Variants in MAOA observed in about 807,000 individuals in gnomAD.
The protein encoded by MAOA is monoamine oxidase A.
In MAOA, 6 loss-of-function variants were observed where a neutral mutation model predicts 42.0. That is an observed-to-expected ratio of 0.14 (90% CI 0.08 to 0.28). The LOEUF is 0.28. Ranked by LOEUF, MAOA falls within the 10% of genes least tolerant of loss-of-function variation. The probability of loss-of-function intolerance (pLI) is 1.00; values close to 1 mark genes in which losing one functional copy is unlikely to be tolerated. For missense variants in MAOA, 262 were observed against 422.3 expected, an observed-to-expected ratio of 0.62 and a Z score of 3.33; for synonymous variants, 140 against 154.0, an observed-to-expected ratio of 0.91 and a Z score of 0.67.
chrX:43,655,775 G>GC (rs1370833942), upstream of MAOA: 2 of 118,913 alleles, frequency 1.7e-5, no homozygotes, highest in Non-Finnish European at 3.5e-5. Flanking sequence ...ATGACCTTTC[G>GC]CAAGTGTCAA....
intron 5 of MAOA, among the ~76,000 whole-genome samples, chrX:43,713,878 G>A (rs2033717459): frequency 9.0e-6 from 1 of 111,524 alleles, no homozygotes; most frequent in Admixed American, 9.5e-5. Context: ...ACAGTGTAGG[G>A]CGATGGTATC....
intron 5 of MAOA, among the ~76,000 whole-genome samples, chrX:43,724,112 G>A (rs2147099782): frequency 8.9e-6 from 1 of 111,893 alleles, no homozygotes; most frequent in East Asian, 2.8e-4. Context: ...TCGCATCAAT[G>A]TTCATCAGGG....
At chrX:43,716,154 G>T (rs916526296) in intron 5 of MAOA, among the ~76,000 whole-genome samples, 2 of 111,536 alleles carry the variant, frequency 1.8e-5, no homozygotes, top group Non-Finnish European at 3.8e-5. Context: ...ATGGTCTTCA[G>T]AATGTGTGGG....
chrX:43,700,657 T>C (rs145164549), intron 3 of MAOA, among the ~76,000 whole-genome samples: 1,371 of 112,152 alleles, frequency 0.012, 20 homozygotes, highest in African/African-American at 0.042. Context: ...TGTATTCTAT[T>C]ATTTTGTTAA....
At chrX:43,738,390 A>G (rs1253171347) in intron 10 of MAOA, among the ~76,000 whole-genome samples, 1 of 112,644 alleles carries the variant, frequency 8.9e-6, no homozygotes, top group Non-Finnish European at 1.9e-5. Flanking sequence ...TTCTAATAAT[A>G]TGAAATACAG....
chrX:43,731,216 C>A, intron 6 of MAOA, 25 bp from the exon 7 acceptor site: 4 of 1,205,225 alleles, frequency 3.3e-6, no homozygotes, highest in Non-Finnish European at 4.5e-6. Context: ...ATAATGTTTC[C>A]TTTCTTACCT....
intron 5 of MAOA, among the ~76,000 whole-genome samples, chrX:43,723,315 C>T (rs1042012717): frequency 7.2e-5 from 8 of 111,642 alleles, no homozygotes; most frequent in Non-Finnish European, 1.3e-4. Context: ...TTCTTCCTAT[C>T]CATGAGCATG....
chrX:43,711,970 G>A lies in MAOA; in HGVS notation c.405G>A (p.Gly135=). The change falls in exon 4 of 15, where the codon GGG becomes GGA. Residue 135 remains glycine, a synonymous_variant. Coordinates refer to ENST00000338702, the MANE Select transcript of MAOA (RefSeq NM_000240.4). ...TGTGGAGGACAATAGATAACATGGG[G>A]AAGGAGGTAAAATGTGTGTTCAGTT... ...NNLWRTIDNM[G]KEIPTDAPWE... The A allele has an allele frequency of 8.6e-7, 1 of 1,168,202 alleles. No homozygotes were observed. The highest frequency in any genetic ancestry group is 1.2e-6 in the Non-Finnish European group (1 of 856,109).
At chrX:43,731,946 G>A (rs1189477543) in intron 8 of MAOA, 93 bp downstream of exon 8, 13 of 875,418 alleles carry the variant, frequency 1.5e-5, no homozygotes, top group Non-Finnish European at 2.2e-5. Flanking sequence ...CAGAAACAAA[G>A]TATTTTCAAA....
At chrX:43,704,485 T>A (rs1275733781) in intron 3 of MAOA, among the ~76,000 whole-genome samples, 4 of 110,806 alleles carry the variant, frequency 3.6e-5, no homozygotes, top group African/African-American at 1.3e-4. Flanking sequence ...GAGGAGAACT[T>A]CCTCAACCTA....
intron 1 of MAOA, among the ~76,000 whole-genome samples, chrX:43,673,832 C>A (rs180927174): frequency 1.8e-5 from 2 of 111,852 alleles, no homozygotes; most frequent in Admixed American, 9.5e-5. Flanking sequence ...AATTTCTATT[C>A]TTTTACATTT....
At chrX:43,666,607 A>T (rs1256625035) in intron 1 of MAOA, among the ~76,000 whole-genome samples, 2 of 110,732 alleles carry the variant, frequency 1.8e-5, no homozygotes, top group East Asian at 5.7e-4. Flanking sequence ...CTTTTGCCCC[A>T]CTACAGTCTG....
intron 1 of MAOA, among the ~76,000 whole-genome samples, chrX:43,666,469 G>A (rs750090753): frequency 2.5e-4 from 28 of 110,584 alleles, no homozygotes; most frequent in Non-Finnish European, 4.2e-4. Flanking sequence ...TGTATCTCAC[G>A]GCTTCCCACA....
intron 1 of MAOA, among the ~76,000 whole-genome samples, chrX:43,678,244 G>A (rs953269352): frequency 9.0e-6 from 1 of 111,330 alleles, no homozygotes; most frequent in African/African-American, 3.3e-5. Context: ...GGGGAGTGGT[G>A]AGAAACAGGC....
chrX:43,733,470 C>T (rs367996588), intron 9 of MAOA, among the ~76,000 whole-genome samples: 25 of 111,719 alleles, frequency 2.2e-4, no homozygotes, highest in African/African-American at 7.8e-4. Context: ...CTGTCCTACT[C>T]GTTGGGGGCT....
chrX:43,738,221 A>G (rs546707661), intron 10 of MAOA, among the ~76,000 whole-genome samples: 4 of 111,803 alleles, frequency 3.6e-5, no homozygotes, highest in African/African-American at 1.3e-4. Context: ...TCTTTTATTC[A>G]TCACTTAGGT....
chrX:43,687,945 A>G (rs1181549408), intron 2 of MAOA, among the ~76,000 whole-genome samples: 1 of 112,887 alleles, frequency 8.9e-6, no homozygotes, highest in African/African-American at 3.2e-5. Flanking sequence ...CCAGATTACT[A>G]GAGTAGGCTC....
At chrX:43,714,820 G>T (rs2033728708) in intron 5 of MAOA, among the ~76,000 whole-genome samples, 1 of 108,189 alleles carries the variant, frequency 9.2e-6, no homozygotes, top group Non-Finnish European at 1.9e-5. Flanking sequence ...TGGGGAGAAT[G>T]AAATTTTCCA....
upstream of MAOA, chrX:43,655,946 C>T (rs1337377996): frequency 4.7e-6 from 1 of 212,730 alleles, no homozygotes; most frequent in East Asian, 1.1e-4. Flanking sequence ...CCATAACATC[C>T]CCCCAGTGTC....
Sources: allele counts gnomAD v4.1 joint callset (sites outside exome capture counted in the v4.1 genomes callset), GRCh38; gene constraint gnomAD v4.1.1; transcripts MANE v1.5; gene names NCBI Gene and HGNC (gene_info 2026-07-23, HGNC 2026-07-21).